The following LRIG1 variants were observed in gnomAD, a reference collection of about 807,000 sequenced individuals.
The protein encoded by LRIG1 is leucine-rich repeats and immunoglobulin-like domains protein 1.
In LRIG1, 48 loss-of-function variants were observed where a neutral mutation model predicts 99.2. That is an observed-to-expected ratio of 0.48 (90% confidence interval 0.38 to 0.62). The LOEUF (loss-of-function observed/expected upper bound fraction) is 0.62. Among genes scored for constraint, LRIG1 ranks in the 20% least tolerant of loss-of-function variants. The pLI is 0.00. For missense variants in LRIG1, 1,646 were observed against 1,434.4 expected, an observed-to-expected ratio of 1.15 and a Z score of -2.38; for synonymous variants, 772 against 596.1, an observed-to-expected ratio of 1.29 and a Z score of -4.30.
intron 1 of LRIG1, among the ~76,000 whole-genome samples, chr3:66,476,211 A>C (rs1700719816): frequency 6.6e-6 from 1 of 152,198 alleles, no homozygotes; most frequent in African/African-American, 2.4e-5. Context: ...GTAGTAAAGT[A>C]AATGAACCCC....
At chr3:66,456,911 G>A (rs1436307011) in intron 2 of LRIG1, among the ~76,000 whole-genome samples, 1 of 152,154 alleles carries the variant, frequency 6.6e-6, no homozygotes, top group Non-Finnish European at 1.5e-5. Flanking sequence ...ATTAATAGAG[G>A]AGCCTGCTGG....
intron 3 of LRIG1, among the ~76,000 whole-genome samples, chr3:66,445,384 G>C (rs1417600688): frequency 6.6e-6 from 1 of 151,960 alleles, no homozygotes; most frequent in Non-Finnish European, 1.5e-5. Flanking sequence ...AAGTAGCATG[G>C]GGACCTATAT....
At chr3:66,441,918 G>A (rs1358776379) in intron 3 of LRIG1, among the ~76,000 whole-genome samples, 1 of 152,174 alleles carries the variant, frequency 6.6e-6, no homozygotes. Flanking sequence ...TCTGTAAATT[G>A]TGCTTAACAG....
Position 66,475,595 on chromosome 3 carries a change from G to A in LRIG1, c.219-13086C>T, listed in dbSNP as rs150011746. Among the ~76,000 whole-genome samples, 386 of 152,302 alleles carry A rather than the reference G, an allele frequency of 2.5e-3. 3 individuals are homozygous for A. The highest frequency in any genetic ancestry group is 0.021 in the East Asian group (110 of 5,182). The stretch of plus-strand genomic sequence containing the variant: ...CATGGCTACACAAACATGACTCTGC[G>A]AAACTGTGCTGACAACTGCGTTTAC... On this transcript the variant is annotated intron_variant, in intron 1 of 18. Transcript: ENST00000273261.
At chr3:66,418,821 T>C (rs1702705860) in intron 3 of LRIG1, among the ~76,000 whole-genome samples, 3 of 152,048 alleles carry the variant, frequency 2.0e-5, no homozygotes, top group Admixed American at 6.6e-5. Context: ...GTTTTTTTCA[T>C]GCGTCTCCCA....
chr3:66,486,635 A>T (rs572153809), intron 1 of LRIG1, among the ~76,000 whole-genome samples: 8 of 152,366 alleles, frequency 5.3e-5, no homozygotes, highest in Non-Finnish European at 1.2e-4. Context: ...ATGACTTTTT[A>T]AAAATGTCTC....
intron 2 of LRIG1, among the ~76,000 whole-genome samples, chr3:66,453,567 C>T (rs1265406186): frequency 6.6e-6 from 1 of 152,170 alleles, no homozygotes. Flanking sequence ...GCACTTTCAC[C>T]ATCACAACAA....
chr3:66,415,530 A>G (rs1181796634), intron 4 of LRIG1, among the ~76,000 whole-genome samples: 1 of 152,230 alleles, frequency 6.6e-6, no homozygotes, highest in Non-Finnish European at 1.5e-5. Context: ...GGGTCTTGCT[A>G]TATGAACTAC....
At chr3:66,418,556 A>T (rs749431347) in intron 3 of LRIG1, among the ~76,000 whole-genome samples, 6 of 152,146 alleles carry the variant, frequency 3.9e-5, no homozygotes, top group Non-Finnish European at 7.3e-5. Context: ...CCTCACTCCA[A>T]TATTAGACAC....
rs1701198999 is a variant in LRIG1 at position 66,383,349 on chromosome 3, TTCTCCCACAGATACCACACGG to T, written c.2103_2123del (p.Asp701_Gly707del). ...TGGCTTTGCATTGGAGGGCCACTGTTTCTCCCACAGATACCACACGGTCTTCCAAGGGGACCACCAAGGATG... is the reference window on the plus strand; with the variant it reads ...TGGCTTTGCATTGGAGGGCCACTGTTTCTTCCAAGGGGACCACCAAGGATG... On this transcript the variant is annotated inframe_deletion, in exon 15 of 19. Transcript: ENST00000273261. 6.3e-7 allele frequency: 1 copy of T among 1,591,510 alleles called. No homozygotes were observed. The highest frequency in any genetic ancestry group is 1.7e-5 in the Admixed American group (1 of 59,320).
intron 3 of LRIG1, among the ~76,000 whole-genome samples, chr3:66,450,138 G>C (rs962488226): frequency 2.5e-4 from 38 of 152,106 alleles, no homozygotes; most frequent in African/African-American, 9.2e-4. Context: ...CAAACCAAGT[G>C]GGTACAAAAT....
At chr3:66,486,477 T>C (rs1266809398) in intron 1 of LRIG1, among the ~76,000 whole-genome samples, 1 of 152,122 alleles carries the variant, frequency 6.6e-6, no homozygotes, top group African/African-American at 2.4e-5. Context: ...CAACATTATC[T>C]TCCCCTGAAG....
At chr3:66,449,684 G>A (rs767299545) in intron 3 of LRIG1, among the ~76,000 whole-genome samples, 4 of 152,244 alleles carry the variant, frequency 2.6e-5, no homozygotes, top group Non-Finnish European at 4.4e-5. Flanking sequence ...GGTTAAAGGA[G>A]TGATGCAAAG....
At chr3:66,460,763 T>C (rs758562278) in intron 2 of LRIG1, among the ~76,000 whole-genome samples, 1 of 152,198 alleles carries the variant, frequency 6.6e-6, no homozygotes, top group Non-Finnish European at 1.5e-5. Flanking sequence ...CACTTCAAAC[T>C]TCCTTTCCCC....
chr3:66,396,806 C>T (rs1701868374), intron 11 of LRIG1, among the ~76,000 whole-genome samples: 1 of 152,244 alleles, frequency 6.6e-6, no homozygotes, highest in African/African-American at 2.4e-5. Context: ...AAGAATTCCA[C>T]AGTGAATGCT....
intron 1 of LRIG1, among the ~76,000 whole-genome samples, chr3:66,475,749 T>C (rs1700708108): frequency 6.6e-6 from 1 of 152,152 alleles, no homozygotes; most frequent in African/African-American, 2.4e-5. Context: ...CTGCACAAAC[T>C]CGTCAGGATG....
intron 9 of LRIG1, chr3:66,404,182 A>G (rs892589262): frequency 1.6e-5 from 19 of 1,206,158 alleles, no homozygotes; most frequent in Non-Finnish European, 2.0e-5. Context: ...GCAAAAAGCC[A>G]CGCTTTTCAA....
At chr3:66,489,421 C>T (rs1471802184) in intron 1 of LRIG1, among the ~76,000 whole-genome samples, 1 of 152,078 alleles carries the variant, frequency 6.6e-6, no homozygotes, top group Non-Finnish European at 1.5e-5. Flanking sequence ...ACTCAGTAGA[C>T]TGAGGTAGGA....
At chr3:66,450,210 C>T (rs972641303) in intron 3 of LRIG1, among the ~76,000 whole-genome samples, 1 of 152,170 alleles carries the variant, frequency 6.6e-6, no homozygotes, top group African/African-American at 2.4e-5. Flanking sequence ...CAGCACTTCA[C>T]AGAAACAGAG....
Sources: allele counts gnomAD v4.1 joint callset (sites outside exome capture counted in the v4.1 genomes callset), GRCh38; gene constraint gnomAD v4.1.1; transcripts MANE v1.5; gene names NCBI Gene and HGNC (gene_info 2026-07-23, HGNC 2026-07-21).